The following PRKAB2 variants were observed in gnomAD, a reference collection of about 807,000 sequenced individuals.
PRKAB2 encodes 5'-AMP-activated protein kinase subunit beta-2.
A neutral mutation model predicts 29.8 loss-of-function variants in PRKAB2; 18 were observed. The observed-to-expected ratio is 0.60, with a 90% CI of 0.42 to 0.89. The LOEUF is 0.89. Among genes scored for constraint, PRKAB2 ranks in the 40% least tolerant of loss-of-function variants. The pLI, the probability that PRKAB2 is intolerant of heterozygous loss-of-function variation, is 0.00. For missense variants in PRKAB2, 270 were observed against 344.3 expected (o/e 0.78, Z 1.71); for synonymous variants, 136 against 125.9 (o/e 1.08, Z -0.54).
chr1:147,172,378 C>A (rs587748690), intron 1 of PRKAB2, 51 bp downstream of exon 1: 1 of 588,388 alleles, frequency 1.7e-6, no homozygotes, highest in East Asian at 3.2e-5. Context: ...GCTATCGGGA[C>A]CTCCCCCGCG....
At chr1:147,170,300 A>T (rs1654453127) in intron 2 of PRKAB2, among the ~76,000 whole-genome samples, 1 of 152,224 alleles carries the variant, frequency 6.6e-6, no homozygotes, top group African/African-American at 2.4e-5. Flanking sequence ...GTGAGAGATA[A>T]GAATAATACA....
At chr1:147,160,073 G>A (rs587722579) in intron 7 of PRKAB2, among the ~76,000 whole-genome samples, 1 of 152,160 alleles carries the variant, frequency 6.6e-6, no homozygotes, top group East Asian at 1.9e-4. Flanking sequence ...AAGTCTTAAA[G>A]ACAATGAGGA....
intron 5 of PRKAB2, 110 bp from the exon 6 acceptor site, chr1:147,162,683 T>A: frequency 8.4e-7 from 1 of 1,183,500 alleles, no homozygotes; most frequent in East Asian, 2.6e-5. Flanking sequence ...AAGTCCTGGA[T>A]CACAAACTTG....
rs1356875208 is a variant in PRKAB2 at position 147,156,703 on chromosome 1, T to C, written c.*2862A>G. On this transcript the variant is annotated 3_prime_UTR_variant, in exon 8 of 8. Transcript: ENST00000254101. ...CCAGCAGCATGGCTAACGTATGTGT[T>C]TTAGGTAATGTCTGACACTCTGGTA... 1 of 152,104 alleles carries C rather than the reference T, an allele frequency of 6.6e-6. No individual in the cohort carries two copies. Among genetic ancestry groups the C allele is most frequent in the Non-Finnish European group, 1.5e-5 (1 of 68,000 alleles). 9.4% of individuals were successfully genotyped at this position (152,104 alleles called of 1,614,324 possible).
In PRKAB2 at chr1:147,159,633, T is replaced by C. The variant is rs1559607209; in HGVS notation, c.751A>G (p.Met251Val). The change falls in exon 8 of 8, where the codon ATG becomes GTG. Residue 251 changes from methionine (M) to valine (V), a missense_variant. Met to Val is a conservative substitution (Grantham distance 21). Transcript: ENST00000254101. ...TAGCGATGGGTTGCGCTAAGGACCATCACACTGTCCTGCAAGGAAAAGAAA... is the reference window on the plus strand; with the variant it reads ...TAGCGATGGGTTGCGCTAAGGACCACCACACTGTCCTGCAAGGAAAAGAAA... ...LYALSIKDSV[M>V]VLSATHRYKK... is the part of the protein sequence containing the mutation. 6.2e-7 allele frequency: 1 copy of C among 1,613,402 alleles called. No individual in the cohort carries two copies. The highest frequency in any genetic ancestry group is 8.5e-7 in the Non-Finnish European group (1 of 1,179,574).
chr1:147,159,361 T>C lies in PRKAB2; in HGVS notation c.*204A>G, dbSNP rs1653833602. ...TTTACCTTCTTCTCATATGTATATT[T>C]TTTTTTCTTAAAATAAATTCCGTGA... On this transcript the variant is annotated 3_prime_UTR_variant, in exon 8 of 8. Transcript: ENST00000254101. 1.9e-6 allele frequency: 1 copy of C among 523,756 alleles called. No individual in the cohort carries two copies. Among genetic ancestry groups the C allele is most frequent in the Admixed American group, 3.4e-5 (1 of 29,436 alleles). 32.4% of individuals were successfully genotyped at this position (523,756 alleles called of 1,614,324 possible).
chr1:147,161,659 C>T (rs1653968253), intron 7 of PRKAB2, 53 bp downstream of exon 7: 3 of 1,468,534 alleles, frequency 2.0e-6, no homozygotes, highest in East Asian at 4.5e-5. Flanking sequence ...ACGTATGTTA[C>T]CCTTGACCTC....
At chr1:147,170,340 T>C (rs1653066366) in intron 2 of PRKAB2, among the ~76,000 whole-genome samples, 1 of 152,200 alleles carries the variant, frequency 6.6e-6, no homozygotes, top group South Asian at 2.1e-4. Context: ...CAGAGCAACC[T>C]GGCTTTTAAT....
At chr1:147,162,385 G>T in intron 6 of PRKAB2, 55 bp downstream of exon 6, 1 of 1,512,384 alleles carries the variant, frequency 6.6e-7, no homozygotes, top group South Asian at 1.2e-5. Flanking sequence ...ACTGAACTTT[G>T]GTCCAAATGG....
chr1:147,158,614 G>A lies in PRKAB2; in HGVS notation c.*951C>T, dbSNP rs1215436747. 1 of 151,922 alleles carries A rather than the reference G, an allele frequency of 6.6e-6. No homozygotes were observed. The allele number at this position is 151,922 out of a possible 1,614,324, so 9.4% of individuals were successfully genotyped here. A position where few individuals can be genotyped will look rare whatever the true frequency, so the allele number is the denominator to read the frequency against. ...ACATAAAAATCTTTCAAGGATGAAA[G>A]ACATGAAAATACTCCCGGGTTCCAC... On this transcript the variant is annotated 3_prime_UTR_variant, in exon 8 of 8. Coordinates refer to ENST00000254101, the MANE Select transcript of PRKAB2 (RefSeq NM_005399.5).
At chr1:147,161,616 T>G (rs1559608338) in intron 7 of PRKAB2, 96 bp downstream of exon 7, 2 of 1,053,676 alleles carry the variant, frequency 1.9e-6, no homozygotes, top group African/African-American at 1.6e-5. Context: ...AGCTTCAGCT[T>G]CAATGAAATA....
Position 147,155,166 on chromosome 1 carries a change from GTATCA to G in PRKAB2, c.*4394_*4398del, listed in dbSNP as rs879982422. ...GAAAAAACCCACAACATTTCTGTAT[GTATCA>G]TATCATATAATTTCCAGGTGTGTCA... On this transcript the variant is annotated 3_prime_UTR_variant, in exon 8 of 8. Coordinates refer to ENST00000254101, the MANE Select transcript of PRKAB2 (RefSeq NM_005399.5). The G allele has an allele frequency of 3.8e-4, 58 of 152,514 alleles. No individual in the cohort carries two copies. Among genetic ancestry groups the G allele is most frequent in the African/African-American group, 1.3e-3 (56 of 41,482 alleles). 9.4% of individuals were successfully genotyped at this position (152,514 alleles called of 1,614,324 possible). A position where few individuals can be genotyped will look rare whatever the true frequency, so the allele number is the denominator to read the frequency against.
At chr1:147,162,150 C>T (rs1216702836) in intron 6 of PRKAB2, among the ~76,000 whole-genome samples, 4 of 152,134 alleles carry the variant, frequency 2.6e-5, no homozygotes, top group African/African-American at 9.7e-5. Context: ...TTTCATAGTT[C>T]TTTTGTACAC....
chr1:147,162,522 C>A lies in PRKAB2; in HGVS notation c.590G>T (p.Arg197Leu), dbSNP rs149396746. ...GPYGQEMYAFRSEERFKSPPI... is the reference protein window; with the variant it reads ...GPYGQEMYAFLSEERFKSPPI... ...TGGGGATTTGAATCTTTCCTCAGAT[C>A]GAAACGCATACATTTCTTGACCATA... Residue 197 changes from arginine to leucine, a missense_variant, in exon 6 of 8, where the codon CGA (arginine) becomes CTA (leucine). Around this residue, in one of 2 missense-constraint regions of PRKAB2, gnomAD observed 228 missense variants for 255.5 expected, o/e 0.89. Transcript: ENST00000254101. 3 of 1,611,742 alleles carry A rather than the reference C, an allele frequency of 1.9e-6. No individual in the cohort carries two copies. In the South Asian group the frequency reaches 3.3e-5, roughly 18 times the overall value.
rs3753430 is a variant in PRKAB2 at position 147,171,286 on chromosome 1, C to T, written c.156+703G>A. On this transcript the variant is annotated intron_variant, in intron 2 of 7. Transcript: ENST00000254101. ...AGCCACGCAACATTTTGAAGTACTA[C>T]TGAGGAGTAAACAAGTCGTGGAATC... 7.9e-4 allele frequency among the ~76,000 whole-genome samples: 121 copies of T among 152,290 alleles called. 2 individuals carry two copies. In the East Asian group the frequency reaches 0.023, roughly 29 times the overall value.
intron 5 of PRKAB2, among the ~76,000 whole-genome samples, chr1:147,166,168 A>G (rs1553913654): frequency 6.6e-6 from 1 of 152,190 alleles, no homozygotes; most frequent in African/African-American, 2.4e-5. Flanking sequence ...ATCAAAGGTC[A>G]GTGGAAAACT....
At position 147,172,461 on chromosome 1, in the gene PRKAB2, C is replaced by G. The variant is rs1654719767; in HGVS notation, c.-56G>C. The G allele has an allele frequency of 2.2e-6, 1 of 450,802 alleles. No homozygotes were observed. The highest frequency in any genetic ancestry group is 2.1e-5 in the African/African-American group (1 of 47,944). 27.9% of individuals were successfully genotyped at this position (450,802 alleles called of 1,614,324 possible). On this transcript the variant is annotated 5_prime_UTR_variant, in exon 1 of 8. Coordinates refer to ENST00000254101, the MANE Select transcript of PRKAB2 (RefSeq NM_005399.5). The stretch of plus-strand genomic sequence containing the variant: ...GATGCGCTCCCTCCTCCAAGGGCCA[C>G]TGATGTGATGGCTGTTCTGCAGATC...
Position 147,172,429 on chromosome 1 carries a change from C to G in PRKAB2, c.-24G>C. 2.0e-6 allele frequency: 1 copy of G among 503,974 alleles called. No individual in the cohort carries two copies. The highest frequency in any genetic ancestry group is 3.5e-6 in the Non-Finnish European group (1 of 287,342). 31.2% of individuals were successfully genotyped at this position (503,974 alleles called of 1,614,324 possible). ...CCAGGGGCGCCCCCACTCCAGTCAC[C>G]TCGGGCGATGCGCTCCCTCCTCCAA... is the stretch of plus-strand genomic sequence containing the variant. On this transcript the variant is annotated splice_region_variant and 5_prime_UTR_variant, in exon 1 of 8. Transcript: ENST00000254101.
Position 147,159,416 on chromosome 1 carries a change from G to C in PRKAB2, c.*149C>G, listed in dbSNP as rs1486710874. 1.7e-6 allele frequency: 1 copy of C among 601,122 alleles called. No homozygotes were observed. Among genetic ancestry groups the C allele is most frequent in the Non-Finnish European group, 2.9e-6 (1 of 342,950 alleles). 37.2% of individuals were successfully genotyped at this position (601,122 alleles called of 1,614,324 possible). A position where few individuals can be genotyped will look rare whatever the true frequency, so the allele number is the denominator to read the frequency against. Reference sequence around the variant, plus strand: ...ATAAAGCTCTCATCTGCAATCAAATGCAAAAGCAGAGCATCCTACTCAGAG... The same window carrying C: ...ATAAAGCTCTCATCTGCAATCAAATCCAAAAGCAGAGCATCCTACTCAGAG... On this transcript the variant is annotated 3_prime_UTR_variant, in exon 8 of 8. Coordinates refer to ENST00000254101, the MANE Select transcript of PRKAB2 (RefSeq NM_005399.5).
Sources: gnomAD v4.1 joint callset for allele counts (sites outside exome capture counted in the v4.1 genomes callset) on GRCh38, gnomAD v4.1.1 for gene constraint, gnomAD v4.1.1 regional missense constraint, MANE v1.5 for transcripts, NCBI Gene and HGNC (gene_info 2026-07-23, HGNC 2026-07-21) for gene names.